The following SEMA5A variants were observed in gnomAD, a reference collection of about 807,000 sequenced individuals.
The protein encoded by SEMA5A is semaphorin-5A.
SEMA5A carries 55 observed loss-of-function variants against 135.5 expected under a neutral mutation model. The ratio of observed to expected loss-of-function variants is 0.41; its 90% CI spans 0.33 to 0.51. The LOEUF (loss-of-function observed/expected upper bound fraction) is 0.51, where lower values mean the gene tolerates loss of function less well. SEMA5A is among the 20% of genes least tolerant of loss of function. SEMA5A has a pLI of 0.37. For synonymous variants in SEMA5A, 580 were observed against 546.5 expected (o/e 1.06, Z -0.85); for missense variants, 1,290 against 1,419.9 (o/e 0.91, Z 1.47).
In SEMA5A at chr5:9,220,766, C is replaced by T. The variant is rs141026244; in HGVS notation, c.646+3908G>A. Among the ~76,000 whole-genome samples the T allele has an allele frequency of 4.5e-3, 681 of 152,228 alleles. 4 individuals are homozygous for T. Among genetic ancestry groups the T allele is most frequent in the African/African-American group, 0.014 (582 of 41,538 alleles). ...CATAAACTTTCTGTAAAAGAAACTT[C>T]GAGGCAACAATGTCATCCTTCCAGT... On this transcript the variant is annotated intron_variant, in intron 8 of 22. Transcript: ENST00000382496.
intron 1 of SEMA5A, among the ~76,000 whole-genome samples, chr5:9,508,289 C>A (rs1038627896): frequency 2.0e-5 from 3 of 152,140 alleles, no homozygotes; most frequent in Admixed American, 6.5e-5. Context: ...GAAGCCCCCA[C>A]CACCACCGCA....
intron 1 of SEMA5A, among the ~76,000 whole-genome samples, chr5:9,529,541 A>C (rs188584173): frequency 6.6e-6 from 1 of 152,194 alleles, no homozygotes; most frequent in African/African-American, 2.4e-5. Flanking sequence ...AAAATAAAAC[A>C]TGTAATCTTC....
intron 16 of SEMA5A, among the ~76,000 whole-genome samples, chr5:9,099,442 A>C (rs1739503043): frequency 6.6e-6 from 1 of 152,236 alleles, no homozygotes; most frequent in Non-Finnish European, 1.5e-5. Flanking sequence ...AGGGAGATCA[A>C]TTATTCCCTT....
At chr5:9,054,332 C>A in intron 18 of SEMA5A, 75 bp from the exon 19 acceptor site, 1 of 1,528,622 alleles carries the variant, frequency 6.5e-7, no homozygotes, top group East Asian at 2.3e-5. Flanking sequence ...TAAATGGAAG[C>A]TAAGTGGATT....
At chr5:9,523,960 T>C (rs1736977848) in intron 1 of SEMA5A, among the ~76,000 whole-genome samples, 2 of 152,212 alleles carry the variant, frequency 1.3e-5, no homozygotes, top group African/African-American at 4.8e-5. Context: ...TCTAATATGC[T>C]TTAGGTTCTG....
chr5:9,506,626 T>C (rs1735894314), intron 1 of SEMA5A, among the ~76,000 whole-genome samples: 1 of 152,216 alleles, frequency 6.6e-6, no homozygotes, highest in South Asian at 2.1e-4. Flanking sequence ...AAAATCTCAG[T>C]ATGGCTTCAA....
At chr5:9,395,368 G>A (rs1471431268) in intron 2 of SEMA5A, among the ~76,000 whole-genome samples, 1 of 152,158 alleles carries the variant, frequency 6.6e-6, no homozygotes, top group South Asian at 2.1e-4. Flanking sequence ...TTATTCTCAT[G>A]TAAAGTTGGG....
rs552173793 is a variant in SEMA5A, at chr5:9,230,550, T to C, written c.334-3583A>G. Among the ~76,000 whole-genome samples, 4 of 152,316 alleles carry C rather than the reference T, an allele frequency of 2.6e-5. No homozygotes were observed. In the East Asian group the frequency reaches 7.7e-4, roughly 29 times the overall value. On this transcript the variant is annotated intron_variant, in intron 6 of 22. Transcript: ENST00000382496. ...ACCACGTGAGAATACATGAAGACAC[T>C]GGCTCTATTATTGGCGATGAGCCAC...
In SEMA5A at chr5:9,042,895, T is replaced by A. The variant is rs750060879; in HGVS notation, c.*2A>T. The A allele has an allele frequency of 6.2e-7, 1 of 1,614,014 alleles. No homozygotes were observed. The highest frequency in any genetic ancestry group is 1.1e-5 in the South Asian group (1 of 91,052). ...TACAAGAAGCCAAAAACATGAAAGC[T>A]GTTAGTACTCATCATAATTATTGAG... On this transcript the variant is annotated 3_prime_UTR_variant, in exon 23 of 23. Coordinates refer to ENST00000382496, the MANE Select transcript of SEMA5A (RefSeq NM_003966.3).
At chr5:9,088,069 G>A (rs113521115) in intron 16 of SEMA5A, among the ~76,000 whole-genome samples, 1,793 of 152,212 alleles carry the variant, frequency 0.012, 13 homozygotes, top group Middle Eastern at 0.034. Flanking sequence ...TCTCAAAGGG[G>A]AGGCCAAGGC....
chr5:9,505,183 A>G (rs1242398212), intron 1 of SEMA5A, among the ~76,000 whole-genome samples: 1 of 152,210 alleles, frequency 6.6e-6, no homozygotes. Context: ...CTACAATGAT[A>G]AGCTGATTTC....
At chr5:9,437,637 C>A (rs1758080029) in intron 2 of SEMA5A, 119 bp downstream of exon 2, 1 of 152,206 alleles carries the variant, frequency 6.6e-6, no homozygotes, top group Non-Finnish European at 1.5e-5. Flanking sequence ...CAGGTGTGAG[C>A]CACCAAGCCC....
At chr5:9,321,572 A>G (rs146056151) in intron 4 of SEMA5A, among the ~76,000 whole-genome samples, 1 of 152,328 alleles carries the variant, frequency 6.6e-6, no homozygotes, top group Non-Finnish European at 1.5e-5. Context: ...GCTAATAATC[A>G]AACCCATTCC....
chr5:9,326,441 A>C (rs1028891009), intron 4 of SEMA5A, among the ~76,000 whole-genome samples: 1 of 152,010 alleles, frequency 6.6e-6, no homozygotes, highest in African/African-American at 2.4e-5. Flanking sequence ...TTTAGTAGAG[A>C]TGGGGTTTCG....
chr5:9,089,028 CCTT>C (rs1392695236), intron 16 of SEMA5A, among the ~76,000 whole-genome samples: 1 of 152,158 alleles, frequency 6.6e-6, no homozygotes, highest in Non-Finnish European at 1.5e-5. Context: ...AAACACTACT[CCTT>C]CTTTGTGCTA....
At chr5:9,270,588 C>T (rs1221420061) in intron 5 of SEMA5A, among the ~76,000 whole-genome samples, 1 of 152,010 alleles carries the variant, frequency 6.6e-6, no homozygotes, top group Admixed American at 6.6e-5. Flanking sequence ...GTTGGAAACA[C>T]AGCATTCACT....
At chr5:9,217,704 C>CT (rs1300199421) in intron 8 of SEMA5A, among the ~76,000 whole-genome samples, 2 of 152,130 alleles carry the variant, frequency 1.3e-5, no homozygotes, top group South Asian at 2.1e-4. Context: ...TCCTTTTATT[C>CT]TTTTTTCTTT....
chr5:9,322,911 C>T (rs2150679992), intron 4 of SEMA5A, among the ~76,000 whole-genome samples: 1 of 152,274 alleles, frequency 6.6e-6, no homozygotes, highest in East Asian at 1.9e-4. Context: ...TTTACAGCAA[C>T]ATTTACAAAT....
chr5:9,337,038 A>G (rs1753422461), intron 4 of SEMA5A, among the ~76,000 whole-genome samples: 1 of 152,216 alleles, frequency 6.6e-6, no homozygotes, highest in Non-Finnish European at 1.5e-5. Context: ...TAAGGAAGTG[A>G]TAGTGAAAAC....
Sources: allele counts gnomAD v4.1 joint callset (sites outside exome capture counted in the v4.1 genomes callset), GRCh38; gene constraint gnomAD v4.1.1; transcripts MANE v1.5; gene names NCBI Gene and HGNC (gene_info 2026-07-23, HGNC 2026-07-21).